The following COL6A5 variants were observed in gnomAD, a reference collection of about 807,000 sequenced individuals.
The protein encoded by COL6A5 is collagen type VI alpha 5 chain, also known as collagen alpha-5(VI) chain.
In COL6A5, 48 loss-of-function variants were observed where a neutral mutation model predicts 65.6. The observed-to-expected ratio is 0.73, with a 90% confidence interval of 0.58 to 0.93. COL6A5 has a LOEUF of 0.93. COL6A5 is among the 40% of genes least tolerant of loss of function. The pLI, the probability that COL6A5 is intolerant of heterozygous loss-of-function variation, is 0.00. For missense variants in COL6A5, 914 were observed against 928.3 expected, an observed-to-expected ratio of 0.98 and a Z score of 0.20; for synonymous variants, 291 against 322.8, an observed-to-expected ratio of 0.90 and a Z score of 1.05.
chr3:130,384,755 A>G, intron 4 of COL6A5, 49 bp from the exon 5 acceptor site: 1 of 1,431,764 alleles, frequency 7.0e-7, no homozygotes, highest in Non-Finnish European at 9.3e-7. Flanking sequence ...CCCTCTTGCA[A>G]AGTTCTCTCT....
exon 5 of COL6A5, chr3:130,385,052 G>T (rs1227440604): frequency 1.9e-6 from 3 of 1,550,838 alleles, no homozygotes; most frequent in East Asian, 4.9e-5. Context: ...GCAACTAACT[G>T]GTGGAACTTA....
chr3:130,465,103 G>C (rs1335232214), intron 5 of COL6A5, among the ~76,000 whole-genome samples: 1 of 152,094 alleles, frequency 6.6e-6, no homozygotes, highest in Non-Finnish European at 1.5e-5. Flanking sequence ...AAACAAATGA[G>C]ATGAACACTA....
Position 130,398,120 on chromosome 3 carries a change from T to C in COL6A5, c.3991+9T>C. The C allele has an allele frequency of 7.0e-7, 1 of 1,436,546 alleles. No individual in the cohort carries two copies. The highest frequency in any genetic ancestry group is 1.4e-5 in the South Asian group (1 of 73,156). 89.0% of individuals were successfully genotyped at this position (1,436,546 alleles called of 1,614,324 possible). A position where few individuals can be genotyped will look rare whatever the true frequency, so the allele number is the denominator to read the frequency against. Reference sequence around the variant, plus strand: ...CAGGCTCAGAGAAGCAGGTATTGAGTTGTTGTTGTTTTTTTTTTTTTTTTT... The same window carrying C: ...CAGGCTCAGAGAAGCAGGTATTGAGCTGTTGTTGTTTTTTTTTTTTTTTTT... On this transcript the variant is annotated intron_variant and NMD_transcript_variant, in intron 10 of 41. Transcript: ENST00000312481.
intron 3 of COL6A5, among the ~76,000 whole-genome samples, chr3:130,441,694 T>A (rs1490104392): frequency 3.3e-5 from 5 of 152,158 alleles, no homozygotes; most frequent in Non-Finnish European, 5.9e-5. Context: ...CCTGGAGGCA[T>A]TATTTGACAG....
chr3:130,387,918 A>T (rs1182256378), intron 5 of COL6A5, among the ~76,000 whole-genome samples: 1 of 151,644 alleles, frequency 6.6e-6, no homozygotes, highest in African/African-American at 2.4e-5. Flanking sequence ...ATGAACATAC[A>T]TATGTGTGTA....
At chr3:130,415,856 A>C in intron 23 of COL6A5, 149 bp downstream of exon 23, 1 of 574,330 alleles carries the variant, frequency 1.7e-6, no homozygotes, top group Non-Finnish European at 2.8e-6. Context: ...AGCGCAGCTC[A>C]GATTCCTCAT....
rs757326935 is a variant in COL6A5 at position 130,401,855 on chromosome 3, G to T, written c.4227+1G>T. 100 of 1,548,790 alleles carry T rather than the reference G, an allele frequency of 6.5e-5. No homozygotes were observed. The highest frequency in any genetic ancestry group is 5.9e-4 in the East Asian group (24 of 40,902). Reference sequence around the variant, plus strand: ...GACCCGAGGACTACAAGCCATGAAGGTGCCACTCACCTGTGATACTATTTT... The same window carrying T: ...GACCCGAGGACTACAAGCCATGAAGTTGCCACTCACCTGTGATACTATTTT... On this transcript the variant is annotated splice_donor_variant and NMD_transcript_variant, in intron 12 of 41. Transcript: ENST00000312481.
At chr3:130,345,854 T>C (rs1934446644) in exon 1 of COL6A5, 1 of 398,406 alleles carries the variant, frequency 2.5e-6, no homozygotes, top group East Asian at 3.6e-5. Flanking sequence ...GCGCGCGCTC[T>C]ATCCAACTGC....
intron 7 of COL6A5, among the ~76,000 whole-genome samples, chr3:130,479,777 G>T (rs1476370156): frequency 2.6e-5 from 4 of 152,116 alleles, no homozygotes; most frequent in Admixed American, 1.3e-4. Context: ...TAAGTATCAA[G>T]TGTGCTTAAT....
chr3:130,384,904 AG>A (rs765480444), exon 5 of COL6A5: 113 of 1,550,872 alleles, frequency 7.3e-5, no homozygotes, highest in Non-Finnish European at 9.5e-5. Flanking sequence ...TTATGTTGGA[AG>A]TGACAGAAAT....
chr3:130,400,948 T>C (rs1369039545), intron 10 of COL6A5, 83 bp from the exon 11 acceptor site: 9 of 1,124,106 alleles, frequency 8.0e-6, no homozygotes, highest in Middle Eastern at 2.3e-4. Flanking sequence ...TTAAATCATG[T>C]TCACTGAGTA....
intron 7 of COL6A5, among the ~76,000 whole-genome samples, chr3:130,472,334 T>G (rs2107617904): frequency 6.6e-6 from 1 of 152,144 alleles, no homozygotes; most frequent in African/African-American, 2.4e-5. Context: ...TGGTTTGAGA[T>G]GTAGGCCTTT....
chr3:130,362,289 CATATATATATATATATATAT>C (rs1184871633), intron 1 of COL6A5, among the ~76,000 whole-genome samples: 1 of 12,540 alleles, frequency 8.0e-5, no homozygotes, highest in African/African-American at 2.2e-4. Flanking sequence ...TGTCTTTCTC[CATATATATATATATATATAT>C]ATATATATAT....
chr3:130,397,547 A>G lies in COL6A5; in HGVS notation c.3569-36A>G, dbSNP rs561462079. Reference sequence around the variant, plus strand: ...CGTCTCTCCTTCCTTACTCCTGTCTACTCGTTAATCTTGACTCTGTTCCCT... The same window carrying G: ...CGTCTCTCCTTCCTTACTCCTGTCTGCTCGTTAATCTTGACTCTGTTCCCT... On this transcript the variant is annotated intron_variant and NMD_transcript_variant, in intron 8 of 41. Transcript: ENST00000312481. The G allele has an allele frequency of 3.0e-5, 45 of 1,479,206 alleles. 1 individual carries two copies. In the South Asian group the frequency reaches 5.0e-4, roughly 16 times the overall value. The allele number at this position is 1,479,206 out of a possible 1,614,324, so 91.6% of individuals were successfully genotyped here. A position where few individuals can be genotyped will look rare whatever the true frequency, so the allele number is the denominator to read the frequency against.
intron 1 of COL6A5, among the ~76,000 whole-genome samples, chr3:130,435,289 A>T (rs1390634259): frequency 1.3e-5 from 2 of 152,108 alleles, no homozygotes; most frequent in Non-Finnish European, 2.9e-5. Flanking sequence ...ATTCTGCTCC[A>T]TTGAGCTATA....
At chr3:130,371,299 T>G (rs1464749494) in intron 1 of COL6A5, among the ~76,000 whole-genome samples, 4 of 152,056 alleles carry the variant, frequency 2.6e-5, no homozygotes, top group Non-Finnish European at 5.9e-5. Flanking sequence ...GCCTTTTCTT[T>G]TTTTTTTTCA....
At chr3:130,373,850 A>G (rs1935657362) in intron 2 of COL6A5, 145 bp downstream of exon 2, 2 of 614,442 alleles carry the variant, frequency 3.3e-6, no homozygotes, top group Non-Finnish European at 2.8e-6. Flanking sequence ...AACAAACTTA[A>G]CTTGTGAAAG....
chr3:130,457,355 C>T (rs1041236576), intron 5 of COL6A5, among the ~76,000 whole-genome samples: 2 of 151,968 alleles, frequency 1.3e-5, no homozygotes, highest in African/African-American at 4.8e-5. Context: ...ACAGATATGA[C>T]TGGATATGAA....
chr3:130,450,777 C>G (rs544434583), intron 4 of COL6A5, among the ~76,000 whole-genome samples: 1 of 152,110 alleles, frequency 6.6e-6, no homozygotes, highest in Non-Finnish European at 1.5e-5. Context: ...GGAGCTTGGT[C>G]TGTAGCGCGT....
Sources: allele counts gnomAD v4.1 joint callset (sites outside exome capture counted in the v4.1 genomes callset), GRCh38; gene constraint gnomAD v4.1.1; transcripts MANE v1.5; gene names NCBI Gene and HGNC (gene_info 2026-07-23, HGNC 2026-07-21).